The following NHEJ1 variants were observed in gnomAD, a reference collection of about 807,000 sequenced individuals.
The protein encoded by NHEJ1 is non-homologous end joining factor 1.
NHEJ1 carries 22 observed loss-of-function variants against 39.4 expected under a neutral mutation model. The ratio of observed to expected loss-of-function variants is 0.56; its 90% CI spans 0.40 to 0.80. The LOEUF (loss-of-function observed/expected upper bound fraction) is 0.80, where lower values mean the gene tolerates loss of function less well. Ranked by LOEUF, NHEJ1 falls within the 30% of genes least tolerant of loss-of-function variation. The pLI, the probability that NHEJ1 is intolerant of heterozygous loss-of-function variation, is 0.00. For missense variants in NHEJ1, 329 were observed against 357.1 expected (o/e 0.92, Z 0.63); for synonymous variants, 154 against 135.6 (o/e 1.14, Z -0.94).
chr2:219,157,385 G>A (rs1274949909), intron 3 of NHEJ1, 87 bp downstream of exon 3: 2 of 1,172,824 alleles, frequency 1.7e-6, no homozygotes, highest in African/African-American at 3.0e-5. Flanking sequence ...TTTCAAACAA[G>A]GTTTGCAAAA....
chr2:219,159,571 ATATG>A lies in NHEJ1; in HGVS notation c.-1+1145_-1+1148del, dbSNP rs1949903408. On this transcript the variant is annotated intron_variant, in intron 1 of 7. Coordinates refer to ENST00000356853, the MANE Select transcript of NHEJ1 (RefSeq NM_024782.3). ...TATATGCATATATATATGCATATATATATGCATATATATATGCATATATATATAT... is the reference window on the plus strand; with the variant it reads ...TATATGCATATATATATGCATATATACATATATATATGCATATATATATAT... Among the ~76,000 whole-genome samples the A allele has an allele frequency of 3.4e-4, 5 of 14,690 alleles. 2 individuals carry two copies. The highest frequency in any genetic ancestry group is 2.9e-3 in the Non-Finnish European group (5 of 1,714). 9.6% of individuals were successfully genotyped at this position (14,690 alleles called of 152,430 possible). A position where few individuals can be genotyped will look rare whatever the true frequency, so the allele number is the denominator to read the frequency against.
At position 219,092,952 on chromosome 2, in the gene NHEJ1, C is replaced by T. The variant is rs1023696537; in HGVS notation, c.589-14746G>A. ...ACCTCCCTGTGCCTATTCAGTAAAACCCGTTTTTACTTAAGCTAATTAAGG... is the reference window on the plus strand; with the variant it reads ...ACCTCCCTGTGCCTATTCAGTAAAATCCGTTTTTACTTAAGCTAATTAAGG... On this transcript the variant is annotated intron_variant, in intron 5 of 7. Transcript: ENST00000356853. Among the ~76,000 whole-genome samples the T allele has an allele frequency of 4.0e-4, 61 of 152,288 alleles. 1 individual carries two copies. The highest frequency in any genetic ancestry group is 3.1e-4 in the African/African-American group (13 of 41,556).
chr2:219,073,038 A>G lies in NHEJ1; in HGVS notation c.*3343T>C, dbSNP rs1298245642. 6.6e-6 allele frequency among the ~76,000 whole-genome samples: 1 copy of G among 152,170 alleles called. No individual in the cohort carries two copies. Among genetic ancestry groups the G allele is most frequent in the Non-Finnish European group, 1.5e-5 (1 of 68,020 alleles). ...AGGTCTAAGTGAAAAGGAAGGAAAG[A>G]AAAGGGAGTCCAAATGTACCGCTGG... On this transcript the variant is annotated 3_prime_UTR_variant, in exon 8 of 8. Coordinates refer to ENST00000356853, the MANE Select transcript of NHEJ1 (RefSeq NM_024782.3).
At position 219,158,215 on chromosome 2, in the gene NHEJ1, C is replaced by A; in HGVS notation, c.148G>T (p.Asp50Tyr). The change falls in exon 2 of 8, where the codon GAC becomes TAC. Residue 50 changes from aspartate (D) to tyrosine (Y), a missense_variant. Coordinates refer to ENST00000356853, the MANE Select transcript of NHEJ1 (RefSeq NM_024782.3). ...GCTCGCTGGCTGACCACACTAGTGT[C>A]CACCTGTTCATGCCACACCTGTTGA... ...DLQQVWHEQV[D>Y]TSVVSQRAKE... 6.2e-7 allele frequency: 1 copy of A among 1,614,202 alleles called. No individual in the cohort carries two copies. The highest frequency in any genetic ancestry group is 8.5e-7 in the Non-Finnish European group (1 of 1,180,046).
chr2:219,143,140 C>T (rs1175171391), intron 5 of NHEJ1, among the ~76,000 whole-genome samples: 1 of 152,100 alleles, frequency 6.6e-6, no homozygotes, highest in Admixed American at 6.6e-5. Context: ...CAGCCCTGGC[C>T]CCCCTGCGCC....
intron 5 of NHEJ1, 136 bp from the exon 6 acceptor site, chr2:219,078,342 T>A: frequency 9.1e-6 from 7 of 769,616 alleles, no homozygotes; most frequent in South Asian, 7.2e-5. Context: ...GGCGACCATA[T>A]CCAAGCCTGG....
intron 5 of NHEJ1, among the ~76,000 whole-genome samples, chr2:219,126,700 T>G (rs1033332577): frequency 1.8e-4 from 27 of 152,274 alleles, no homozygotes; most frequent in African/African-American, 6.0e-4. Flanking sequence ...AGTACAGTGT[T>G]GATATGGCCT....
chr2:219,157,776 A>G, intron 2 of NHEJ1, 92 bp from the exon 3 acceptor site: 2 of 1,007,232 alleles, frequency 2.0e-6, no homozygotes. Flanking sequence ...GTTAACACGA[A>G]GGCAATGGAC....
intron 1 of NHEJ1, chr2:219,159,453 G>A (rs1949890396): frequency 6.7e-6 from 1 of 150,160 alleles, no homozygotes; most frequent in African/African-American, 2.5e-5. Flanking sequence ...TATTAAGTCT[G>A]ATTAACACAG....
intron 5 of NHEJ1, among the ~76,000 whole-genome samples, chr2:219,137,570 CA>C (rs58279021): frequency 0.43 from 15,190 of 35,352 alleles, 1,469 homozygotes; most frequent in African/African-American, 0.52. Flanking sequence ...GTGTTACAGG[CA>C]AAAAAAAAAA....
At chr2:219,126,570 T>C (rs142422684) in intron 5 of NHEJ1, among the ~76,000 whole-genome samples, 29 of 152,376 alleles carry the variant, frequency 1.9e-4, no homozygotes, top group African/African-American at 6.3e-4. Flanking sequence ...GCAGAATTCA[T>C]AGTAGTACAA....
At chr2:219,122,382 C>T (rs1949479934) in intron 5 of NHEJ1, among the ~76,000 whole-genome samples, 1 of 152,150 alleles carries the variant, frequency 6.6e-6, no homozygotes, top group African/African-American at 2.4e-5. Context: ...ACCTATCTAT[C>T]TCATTTTCTG....
chr2:219,087,796 T>A (rs573450601), intron 5 of NHEJ1, among the ~76,000 whole-genome samples: 48 of 152,312 alleles, frequency 3.2e-4, no homozygotes, highest in Non-Finnish European at 6.0e-4. Flanking sequence ...AGAACTTCTG[T>A]TCATCTAAAG....
chr2:219,128,883 A>G lies in NHEJ1; in HGVS notation c.588+17797T>C, dbSNP rs963367563. Among the ~76,000 whole-genome samples the G allele has an allele frequency of 3.3e-5, 5 of 152,126 alleles. No homozygotes were observed. The South Asian group carries it at 6.2e-4, about 19-fold the overall frequency. Reference sequence around the variant, plus strand: ...TCACCCTTCAAGAACTTCACCCCCAATGACCCAGTACCTAGTCCATACAAC... The same window carrying G: ...TCACCCTTCAAGAACTTCACCCCCAGTGACCCAGTACCTAGTCCATACAAC... On this transcript the variant is annotated intron_variant, in intron 5 of 7. Transcript: ENST00000356853.
intron 5 of NHEJ1, among the ~76,000 whole-genome samples, chr2:219,108,852 G>A (rs1201640651): frequency 1.3e-5 from 2 of 152,118 alleles, no homozygotes; most frequent in African/African-American, 4.8e-5. Context: ...AGAGTTAATG[G>A]CAAAAAGACT....
At chr2:219,101,853 G>A (rs1949264319) in intron 5 of NHEJ1, among the ~76,000 whole-genome samples, 1 of 151,942 alleles carries the variant, frequency 6.6e-6, no homozygotes, top group African/African-American at 2.4e-5. Context: ...AGCCTCCCAA[G>A]TAGCTGAGAT....
intron 5 of NHEJ1, among the ~76,000 whole-genome samples, chr2:219,134,765 C>T (rs1242058176): frequency 2.6e-5 from 4 of 152,048 alleles, no homozygotes; most frequent in African/African-American, 7.2e-5. Context: ...TGTGGCCAGG[C>T]GCGGTGGCTC....
At chr2:219,092,443 T>C (rs1342756136) in intron 5 of NHEJ1, among the ~76,000 whole-genome samples, 1 of 152,226 alleles carries the variant, frequency 6.6e-6, no homozygotes, top group African/African-American at 2.4e-5. Flanking sequence ...CTAATAACCA[T>C]AATTTCAAGT....
At chr2:219,114,319 G>A (rs1949391280) in intron 5 of NHEJ1, among the ~76,000 whole-genome samples, 1 of 152,168 alleles carries the variant, frequency 6.6e-6, no homozygotes, top group Non-Finnish European at 1.5e-5. Flanking sequence ...AGGATTTCTA[G>A]TTGAATATTG....
Sources: gnomAD v4.1 joint callset for allele counts (sites outside exome capture counted in the v4.1 genomes callset) on GRCh38, gnomAD v4.1.1 for gene constraint, MANE v1.5 for transcripts, NCBI Gene and HGNC (gene_info 2026-07-23, HGNC 2026-07-21) for gene names.